Variants in KCNMA1 observed in about 807,000 individuals in gnomAD.
KCNMA1 encodes the protein Calcium-activated potassium channel subunit alpha-1.
In KCNMA1, 29 loss-of-function variants were observed where a neutral mutation model predicts 140.0. The ratio of observed to expected loss-of-function variants is 0.21; its 90% CI spans 0.15 to 0.28. The LOEUF (loss-of-function observed/expected upper bound fraction) is 0.28. KCNMA1 is among the 10% of genes least tolerant of loss of function. KCNMA1 has a pLI of 1.00. For synonymous variants in KCNMA1, 612 were observed against 611.9 expected, an observed-to-expected ratio of 1.00 and a Z score of 0.00; for missense variants, 880 against 1,602.2, an observed-to-expected ratio of 0.55 and a Z score of 7.70.
Position 76,891,694 on chromosome 10 carries a change from G to C in KCNMA1, c.3173C>G (p.Thr1058Ser), listed in dbSNP as rs1489363135. Residue 1058 changes from threonine (T) to serine (S), a missense_variant, in exon 26 of 28, where the codon ACC (threonine) becomes AGC (serine). Physicochemically the swap from Thr to Ser is moderately conservative, Grantham distance 58. Transcript: ENST00000286628. ...TCCGGTCACCAGGGTCCGTATCAGG[G>C]TGAGGATATTGTCATTGAAGTACGT... ...SATYFNDNIL[T>S]LIRTLVTGGA... The C allele has an allele frequency of 6.2e-7, 1 of 1,614,038 alleles. No homozygotes were observed.
intron 13 of KCNMA1, among the ~76,000 whole-genome samples, chr10:77,077,669 T>G (rs955579710): frequency 6.6e-6 from 1 of 152,182 alleles, no homozygotes; most frequent in Admixed American, 6.5e-5. Context: ...AAACAACAGC[T>G]TAAAGCACTC....
intron 3 of KCNMA1, among the ~76,000 whole-genome samples, chr10:77,211,207 T>A (rs1330177812): frequency 6.6e-6 from 1 of 152,038 alleles, no homozygotes; most frequent in Non-Finnish European, 1.5e-5. Flanking sequence ...TCAAATATAC[T>A]ATAAGGCTAC....
At chr10:76,968,483 C>G (rs905187326) in intron 20 of KCNMA1, among the ~76,000 whole-genome samples, 14 of 152,148 alleles carry the variant, frequency 9.2e-5, no homozygotes, top group Admixed American at 8.5e-4. Flanking sequence ...TCAGACTTCT[C>G]TTTATTTATT....
chr10:77,633,472 A>G (rs1394369405), intron 1 of KCNMA1, among the ~76,000 whole-genome samples: 1 of 152,134 alleles, frequency 6.6e-6, no homozygotes, highest in Non-Finnish European at 1.5e-5. Flanking sequence ...GAGTATCTCA[A>G]GGTCATCTGG....
intron 3 of KCNMA1, among the ~76,000 whole-genome samples, chr10:77,188,698 T>C (rs892083138): frequency 4.7e-4 from 71 of 152,326 alleles, no homozygotes; most frequent in Non-Finnish European, 9.1e-4. Context: ...GTGGGAAATG[T>C]TTCTCTTTCC....
intron 20 of KCNMA1, among the ~76,000 whole-genome samples, chr10:76,957,265 G>A (rs1289429377): frequency 6.6e-6 from 1 of 151,872 alleles, no homozygotes. Context: ...AATGAAAAGG[G>A]CCAAATAATG....
At chr10:77,192,338 C>CTTCAATATTATA (rs2038877718) in intron 3 of KCNMA1, among the ~76,000 whole-genome samples, 1 of 152,176 alleles carries the variant, frequency 6.6e-6, no homozygotes, top group Non-Finnish European at 1.5e-5. Flanking sequence ...TCTAACAAGA[C>CTTCAATATTATA]TTCAATATTA....
intron 1 of KCNMA1, among the ~76,000 whole-genome samples, chr10:77,627,944 G>T (rs2092728411): frequency 6.6e-6 from 1 of 152,060 alleles, no homozygotes; most frequent in Admixed American, 6.6e-5. Context: ...GTTAAATCAG[G>T]TCGCTATTTG....
At chr10:77,135,788 G>A (rs1049842705) in intron 5 of KCNMA1, among the ~76,000 whole-genome samples, 10 of 152,152 alleles carry the variant, frequency 6.6e-5, no homozygotes, top group African/African-American at 2.4e-4. Context: ...TGATCTCATA[G>A]AAAGAGGGGC....
Position 77,001,480 on chromosome 10 carries a change from G to T in KCNMA1, c.2193C>A (p.Asn731Lys). The T allele has an allele frequency of 6.4e-7, 1 of 1,551,924 alleles. No homozygotes were observed. Among genetic ancestry groups the T allele is most frequent in the Non-Finnish European group, 8.7e-7 (1 of 1,146,992 alleles). The change falls in exon 19 of 28, where the codon AAC (asparagine) becomes AAA (lysine). Residue 731 changes from asparagine to lysine, a missense_variant. Asn to Lys is a moderately conservative substitution (Grantham distance 94). This residue lies in a region of KCNMA1 where 196 missense variants were observed against 233.0 expected (regional missense o/e 0.84). Transcript: ENST00000286628. ...GGAAGGCTCTCTCAAGGGTGTCCAC[G>T]TTACCACGCACACGGCCTGACATGC... ...CSCMSGRVRG[N>K]VDTLERAFPL...
chr10:77,011,915 T>A (rs1424068936), intron 18 of KCNMA1, 52 bp downstream of exon 18: 4 of 1,477,856 alleles, frequency 2.7e-6, no homozygotes, highest in African/African-American at 1.4e-5. Context: ...GAAAAGGAAT[T>A]TGGGGAATAG....
intron 7 of KCNMA1, among the ~76,000 whole-genome samples, chr10:77,110,617 C>T (rs1027216145): frequency 6.6e-6 from 1 of 152,162 alleles, no homozygotes; most frequent in Non-Finnish European, 1.5e-5. Context: ...TAGGCCTTTT[C>T]TCTTCTTCTG....
intron 14 of KCNMA1, among the ~76,000 whole-genome samples, chr10:77,041,158 T>TGGTAGAGACAGGG (rs1366725483): frequency 0.67 from 3,660 of 5,468 alleles, 1,685 homozygotes; most frequent in African/African-American, 0.9. Flanking sequence ...ATTCTTTTTT[T>TGGTAGAGACAGGG]TTTTTTTTTT....
intron 1 of KCNMA1, among the ~76,000 whole-genome samples, chr10:77,474,999 G>A (rs1379110149): frequency 6.6e-6 from 1 of 152,162 alleles, no homozygotes; most frequent in Non-Finnish European, 1.5e-5. Context: ...GACAGAGTGG[G>A]ACAACTGCAG....
At chr10:77,463,489 A>G (rs781692864) in intron 1 of KCNMA1, among the ~76,000 whole-genome samples, 1 of 152,162 alleles carries the variant, frequency 6.6e-6, no homozygotes, top group Non-Finnish European at 1.5e-5. Context: ...CTGAGGAAGA[A>G]CATTCTTTGG....
rs201426208 is a variant in KCNMA1 at position 76,887,519 on chromosome 10, G to A, written c.3462-4C>T. On this transcript the variant is annotated splice_polypyrimidine_tract_variant and splice_region_variant and intron_variant, in intron 27 of 27. Transcript: ENST00000286628. The stretch of plus-strand genomic sequence containing the variant: ...GGGCGGGTTGGTGATGACATACCTG[G>A]ACAGGGAAAGCAGAGATGTCACCTC... 4.3e-6 allele frequency: 7 copies of A among 1,613,978 alleles called. No homozygotes were observed. The highest frequency in any genetic ancestry group is 5.9e-6 in the Non-Finnish European group (7 of 1,180,008).
intron 2 of KCNMA1, among the ~76,000 whole-genome samples, chr10:77,284,838 G>C (rs193226531): frequency 2.1e-3 from 320 of 152,032 alleles, no homozygotes; most frequent in Non-Finnish European, 3.7e-3. Flanking sequence ...TGAAAATATT[G>C]AGCTAAATGC....
chr10:76,898,028 A>C (rs922025934), intron 25 of KCNMA1, among the ~76,000 whole-genome samples: 9 of 151,898 alleles, frequency 5.9e-5, no homozygotes, highest in Non-Finnish European at 1.2e-4. Flanking sequence ...TCCACATACC[A>C]AAAGATGGAT....
chr10:77,034,212 C>T (rs61868794), intron 15 of KCNMA1, among the ~76,000 whole-genome samples: 10,114 of 143,768 alleles, frequency 0.07, 417 homozygotes, highest in Non-Finnish European at 0.094. Context: ...CCACTGCACT[C>T]GAGCTTGGGC....
Sources: allele counts gnomAD v4.1 joint callset (sites outside exome capture counted in the v4.1 genomes callset), GRCh38; gene constraint gnomAD v4.1.1; regional missense constraint gnomAD v4.1.1; transcripts MANE v1.5; gene names NCBI Gene and HGNC (gene_info 2026-07-23, HGNC 2026-07-21).